Variants in RAB3C observed in about 807,000 individuals in gnomAD.
RAB3C encodes RAB3C, member RAS oncogene family.
A neutral mutation model predicts 26.4 loss-of-function variants in RAB3C; 17 were observed. The observed-to-expected ratio is 0.64, with a 90% CI of 0.44 to 0.97. RAB3C has a LOEUF of 0.97. RAB3C is among the 50% of genes least tolerant of loss of function. RAB3C has a pLI of 0.00. For missense variants in RAB3C, 242 were observed against 281.9 expected, an observed-to-expected ratio of 0.86 and a Z score of 1.01; for synonymous variants, 91 against 95.9, an observed-to-expected ratio of 0.95 and a Z score of 0.30.
rs535829349 is a variant in RAB3C, at chr5:58,649,281, A to G, written c.252+31411A>G. Reference sequence around the variant, plus strand: ...AAAGTTCTGCCTGGAATCCCTTCTGATTAGTTGATGCCTATTCAGTACTGA... The same window carrying G: ...AAAGTTCTGCCTGGAATCCCTTCTGGTTAGTTGATGCCTATTCAGTACTGA... On this transcript the variant is annotated intron_variant, in intron 2 of 4. Coordinates refer to ENST00000282878, the MANE Select transcript of RAB3C (RefSeq NM_138453.4). Among the ~76,000 whole-genome samples the G allele has an allele frequency of 5.3e-5, 8 of 152,094 alleles. 1 individual carries two copies. The South Asian group carries it at 1.7e-3, about 32-fold the overall frequency.
chr5:58,649,552 C>T (rs562296914), intron 2 of RAB3C, among the ~76,000 whole-genome samples: 3 of 151,970 alleles, frequency 2.0e-5, no homozygotes, highest in Non-Finnish European at 2.9e-5. Context: ...TTTCCCCTCC[C>T]AGGTCTCTTA....
At chr5:58,723,598 T>C (rs1740820878) in intron 2 of RAB3C, among the ~76,000 whole-genome samples, 1 of 151,618 alleles carries the variant, frequency 6.6e-6, no homozygotes, top group East Asian at 1.9e-4. Flanking sequence ...CATGGTGGGG[T>C]GTAAGCATCT....
chr5:58,621,317 A>G (rs892435716), intron 2 of RAB3C, among the ~76,000 whole-genome samples: 1 of 152,182 alleles, frequency 6.6e-6, no homozygotes, highest in East Asian at 1.9e-4. Context: ...GCCCCCAAAT[A>G]GAACTGTTTC....
chr5:58,846,064 T>C (rs1164350354), intron 4 of RAB3C, among the ~76,000 whole-genome samples: 1 of 152,218 alleles, frequency 6.6e-6, no homozygotes, highest in Non-Finnish European at 1.5e-5. Flanking sequence ...ACTAGCTTAT[T>C]ACACTTAGCA....
intron 3 of RAB3C, among the ~76,000 whole-genome samples, chr5:58,733,685 T>G: frequency 6.6e-6 from 1 of 152,190 alleles, no homozygotes; most frequent in East Asian, 1.9e-4. Flanking sequence ...TAAGTAAGTA[T>G]AGAAATACCA....
intron 2 of RAB3C, among the ~76,000 whole-genome samples, chr5:58,688,682 A>T (rs1354382922): frequency 2.0e-5 from 3 of 152,074 alleles, no homozygotes; most frequent in African/African-American, 4.8e-5. Flanking sequence ...CATTTTAATT[A>T]CTTTGTGTGA....
intron 2 of RAB3C, among the ~76,000 whole-genome samples, chr5:58,653,640 C>T (rs1011746936): frequency 2.6e-5 from 4 of 152,110 alleles, no homozygotes; most frequent in Non-Finnish European, 5.9e-5. Context: ...GAGTTCGTGT[C>T]CTTTGCAGGA....
intron 2 of RAB3C, among the ~76,000 whole-genome samples, chr5:58,666,901 G>A (rs531583618): frequency 2.0e-5 from 3 of 152,320 alleles, no homozygotes; most frequent in Admixed American, 1.3e-4. Context: ...TGCGTGGGAC[G>A]TCAGACCAGA....
At chr5:58,687,053 C>T (rs577731760) in intron 2 of RAB3C, among the ~76,000 whole-genome samples, 5 of 152,110 alleles carry the variant, frequency 3.3e-5, no homozygotes, top group Non-Finnish European at 5.9e-5. Flanking sequence ...TTGCTAAGAA[C>T]TCCAACCACC....
chr5:58,712,593 T>C (rs1170617243), intron 2 of RAB3C, among the ~76,000 whole-genome samples: 1 of 152,162 alleles, frequency 6.6e-6, no homozygotes. Context: ...GGAGCGATCT[T>C]GGCTCACTTC....
intron 2 of RAB3C, among the ~76,000 whole-genome samples, chr5:58,711,358 A>G (rs559828642): frequency 6.6e-6 from 1 of 152,278 alleles, no homozygotes; most frequent in African/African-American, 2.4e-5. Flanking sequence ...CCTCTAGCAT[A>G]TTACACTTTA....
At chr5:58,744,544 G>A (rs1482142361) in intron 3 of RAB3C, among the ~76,000 whole-genome samples, 7 of 152,150 alleles carry the variant, frequency 4.6e-5, no homozygotes, top group Admixed American at 3.3e-4. Flanking sequence ...AAAAGAAACC[G>A]CAGTGCATAT....
intron 2 of RAB3C, among the ~76,000 whole-genome samples, chr5:58,720,414 A>G (rs182889446): frequency 6.6e-6 from 1 of 152,084 alleles, no homozygotes; most frequent in Admixed American, 6.6e-5. Flanking sequence ...ATTAAAATAT[A>G]CTGAGCATAA....
upstream of RAB3C, chr5:58,582,357 G>A (rs1745916828): frequency 1.0e-6 from 1 of 983,846 alleles, no homozygotes; most frequent in African/African-American, 1.7e-5. Flanking sequence ...AACCTCCTTT[G>A]TAGCGAGGGC....
chr5:58,793,116 G>C (rs1038560813), intron 3 of RAB3C, among the ~76,000 whole-genome samples: 1 of 151,988 alleles, frequency 6.6e-6, no homozygotes, highest in Non-Finnish European at 1.5e-5. Context: ...AAAATATTTG[G>C]TTCACTCTGC....
intron 3 of RAB3C, among the ~76,000 whole-genome samples, chr5:58,751,448 G>C (rs1741521482): frequency 6.6e-6 from 1 of 152,178 alleles, no homozygotes; most frequent in Admixed American, 6.5e-5. Flanking sequence ...CTAAGTCAGG[G>C]AGGCTGAGAG....
chr5:58,746,777 G>C (rs181065089), intron 3 of RAB3C, among the ~76,000 whole-genome samples: 126 of 152,294 alleles, frequency 8.3e-4, no homozygotes, highest in Middle Eastern at 6.8e-3. Flanking sequence ...CAAATGTGGT[G>C]ACATATTCTG....
chr5:58,810,793 C>T (rs1251957649), intron 3 of RAB3C, among the ~76,000 whole-genome samples: 3 of 152,178 alleles, frequency 2.0e-5, no homozygotes, highest in Non-Finnish European at 4.4e-5. Context: ...GACGGGGTTT[C>T]GCCATGTTGG....
At chr5:58,735,513 T>C (rs1051071667) in intron 3 of RAB3C, among the ~76,000 whole-genome samples, 5 of 152,126 alleles carry the variant, frequency 3.3e-5, no homozygotes, top group African/African-American at 1.2e-4. Context: ...TACCAGAAAC[T>C]GGGTAGACTC....
Sources: gnomAD v4.1 joint callset for allele counts (sites outside exome capture counted in the v4.1 genomes callset) on GRCh38, gnomAD v4.1.1 for gene constraint, MANE v1.5 for transcripts, NCBI Gene and HGNC (gene_info 2026-07-23, HGNC 2026-07-21) for gene names.